The following PDGFC variants were observed in gnomAD, a reference collection of about 807,000 sequenced individuals.
PDGFC encodes platelet derived growth factor C.
A neutral mutation model predicts 35.5 loss-of-function variants in PDGFC; 12 were observed. The ratio of observed to expected loss-of-function variants is 0.34; its 90% CI spans 0.22 to 0.55. The LOEUF (loss-of-function observed/expected upper bound fraction) is 0.55. Among genes scored for constraint, PDGFC ranks in the 20% least tolerant of loss-of-function variants. The pLI is 0.91. For synonymous variants in PDGFC, 159 were observed against 148.8 expected (o/e 1.07, Z -0.50); for missense variants, 322 against 412.4 (o/e 0.78, Z 1.90).
At chr4:156,798,584 C>T (rs1399359594) in intron 3 of PDGFC, among the ~76,000 whole-genome samples, 1 of 152,018 alleles carries the variant, frequency 6.6e-6, no homozygotes, top group East Asian at 1.9e-4. Context: ...TAGGATACCA[C>T]AAAACATCAC....
chr4:156,894,185 C>T (rs559282062), intron 1 of PDGFC, among the ~76,000 whole-genome samples: 1 of 152,272 alleles, frequency 6.6e-6, no homozygotes, highest in Admixed American at 6.5e-5. Context: ...AACCATCCCC[C>T]TTTAGAGTTT....
At chr4:156,850,489 T>A in intron 1 of PDGFC, 73 bp from the exon 2 acceptor site, 1 of 778,870 alleles carries the variant, frequency 1.3e-6, no homozygotes, top group Non-Finnish European at 2.0e-6. Context: ...AAGTGTTTAT[T>A]ATTCACACTT....
intron 1 of PDGFC, among the ~76,000 whole-genome samples, chr4:156,883,954 TCA>T (rs1341789029): frequency 6.6e-6 from 1 of 152,192 alleles, no homozygotes; most frequent in Non-Finnish European, 1.5e-5. Context: ...CAAACAATGC[TCA>T]CACAAATCTT....
At chr4:156,803,535 G>A (rs1447045834) in intron 3 of PDGFC, among the ~76,000 whole-genome samples, 1 of 152,036 alleles carries the variant, frequency 6.6e-6, no homozygotes, top group Non-Finnish European at 1.5e-5. Flanking sequence ...GTAAAAGAGT[G>A]AAGAAGTAGA....
chr4:156,883,825 T>C (rs1437670931), intron 1 of PDGFC, among the ~76,000 whole-genome samples: 1 of 152,182 alleles, frequency 6.6e-6, no homozygotes, highest in Non-Finnish European at 1.5e-5. Flanking sequence ...ATTAACAATA[T>C]TATTATACCT....
intron 1 of PDGFC, among the ~76,000 whole-genome samples, chr4:156,918,693 T>A (rs1731205313): frequency 6.6e-6 from 1 of 152,206 alleles, no homozygotes; most frequent in Non-Finnish European, 1.5e-5. Flanking sequence ...TGGAACAGTT[T>A]CATCCTAAAA....
At chr4:156,832,581 G>T (rs2111027059) in intron 2 of PDGFC, among the ~76,000 whole-genome samples, 1 of 152,278 alleles carries the variant, frequency 6.6e-6, no homozygotes, top group Middle Eastern at 3.4e-3. Flanking sequence ...AACACAAGTG[G>T]TATATAAGCC....
chr4:156,897,444 C>T (rs1730661873), intron 1 of PDGFC, among the ~76,000 whole-genome samples: 1 of 150,580 alleles, frequency 6.6e-6, no homozygotes, highest in Admixed American at 6.6e-5. Context: ...TTTCATTCTG[C>T]CCTCCCTCTC....
chr4:156,835,144 A>G (rs559485790), intron 2 of PDGFC, among the ~76,000 whole-genome samples: 15 of 152,304 alleles, frequency 9.8e-5, no homozygotes, highest in African/African-American at 3.6e-4. Flanking sequence ...AACTGATTAC[A>G]AATAGAGTTT....
chr4:156,855,892 C>A (rs910982534), intron 1 of PDGFC, among the ~76,000 whole-genome samples: 2 of 151,972 alleles, frequency 1.3e-5, no homozygotes, highest in Admixed American at 6.6e-5. Flanking sequence ...TGTGTTTTTG[C>A]CTAGGAAATG....
At chr4:156,843,015 CTCT>C in intron 2 of PDGFC, among the ~76,000 whole-genome samples, 1 of 152,314 alleles carries the variant, frequency 6.6e-6, no homozygotes, top group East Asian at 1.9e-4. Flanking sequence ...ACACACCCTC[CTCT>C]TCTTCCTTAA....
At chr4:156,787,129 C>T (rs1045537240) in intron 3 of PDGFC, among the ~76,000 whole-genome samples, 5 of 152,072 alleles carry the variant, frequency 3.3e-5, no homozygotes, top group Admixed American at 1.3e-4. Context: ...GAAGAGGTGC[C>T]ATGGTTATAA....
At chr4:156,843,286 A>G (rs571363245) in intron 2 of PDGFC, among the ~76,000 whole-genome samples, 167 of 152,248 alleles carry the variant, frequency 1.1e-3, no homozygotes, top group African/African-American at 3.7e-3. Context: ...CAGATACACA[A>G]TCTGCTGGTG....
chr4:156,910,789 C>T (rs1477409191), intron 1 of PDGFC, among the ~76,000 whole-genome samples: 2 of 152,080 alleles, frequency 1.3e-5, no homozygotes, highest in East Asian at 1.9e-4. Context: ...ATTTACCTAA[C>T]GGCAGATGCT....
chr4:156,843,274 G>A (rs1579049760), intron 2 of PDGFC, among the ~76,000 whole-genome samples: 2 of 152,258 alleles, frequency 1.3e-5, no homozygotes, highest in East Asian at 1.9e-4. Context: ...GTCCTCCATC[G>A]CCAGATACAC....
intron 3 of PDGFC, among the ~76,000 whole-genome samples, chr4:156,808,433 A>G (rs1011453968): frequency 3.9e-5 from 6 of 152,020 alleles, no homozygotes; most frequent in African/African-American, 1.4e-4. Context: ...GCCTCTGGGG[A>G]ACAGAGTGTG....
chr4:156,843,107 C>A (rs374748546), intron 2 of PDGFC, among the ~76,000 whole-genome samples: 1 of 152,046 alleles, frequency 6.6e-6, no homozygotes, highest in Admixed American at 6.6e-5. Flanking sequence ...AAATCCTAAC[C>A]CCTAAGGTGA....
At chr4:156,949,476 A>G (rs1462404990) in intron 1 of PDGFC, among the ~76,000 whole-genome samples, 1 of 151,540 alleles carries the variant, frequency 6.6e-6, no homozygotes. Context: ...TCTCTTGCTC[A>G]CACACTGTCT....
At chr4:156,921,950 C>T (rs555920286) in intron 1 of PDGFC, among the ~76,000 whole-genome samples, 4 of 152,112 alleles carry the variant, frequency 2.6e-5, no homozygotes, top group African/African-American at 7.2e-5. Context: ...GTGCAGTGAT[C>T]GATGCAATAA....
Sources: gnomAD v4.1 joint callset for allele counts (sites outside exome capture counted in the v4.1 genomes callset) on GRCh38, gnomAD v4.1.1 for gene constraint, MANE v1.5 for transcripts, NCBI Gene and HGNC (gene_info 2026-07-23, HGNC 2026-07-21) for gene names.